The following CDC42BPA variants were observed in gnomAD, a reference collection of about 807,000 sequenced individuals.
CDC42BPA encodes CDC42 binding protein kinase alpha.
A neutral mutation model predicts 223.5 loss-of-function variants in CDC42BPA; 80 were observed. The ratio of observed to expected loss-of-function variants is 0.36; its 90% CI spans 0.30 to 0.43. The LOEUF is 0.43. Ranked by LOEUF, CDC42BPA falls within the 20% of genes least tolerant of loss-of-function variation. The probability of loss-of-function intolerance (pLI) is 1.00; values close to 1 mark genes in which losing one functional copy is unlikely to be tolerated. For missense variants in CDC42BPA, 1,743 were observed against 2,099.9 expected, an observed-to-expected ratio of 0.83 and a Z score of 3.32; for synonymous variants, 694 against 718.6, an observed-to-expected ratio of 0.97 and a Z score of 0.55.
chr1:227,252,390 C>T (rs1293909803), intron 2 of CDC42BPA, among the ~76,000 whole-genome samples: 2 of 152,078 alleles, frequency 1.3e-5, no homozygotes, highest in Non-Finnish European at 2.9e-5. Flanking sequence ...AGAAATTAAA[C>T]ATTATTTAAA....
Position 227,074,004 on chromosome 1 carries a change from G to A in CDC42BPA, c.2595C>T (p.Pro865=). 2 of 1,609,458 alleles carry A rather than the reference G, an allele frequency of 1.2e-6. No homozygotes were observed. Among genetic ancestry groups the A allele is most frequent in the Non-Finnish European group, 1.7e-6 (2 of 1,178,860 alleles). The change falls in exon 19 of 37, where the codon CCC becomes CCT. Residue 865 remains proline (P), a synonymous_variant. Coordinates refer to ENST00000366766, the MANE Select transcript of CDC42BPA (RefSeq NM_001394014.1). ...GTTTCGCAAAACGACGCATTTTCCA[G>A]GGCATATCCTATGAAATAATGACTG... ...SSLGTRATDM[P]WKMRRFAKLD... is the part of the protein sequence containing the mutation.
At chr1:227,294,106 C>G (rs1690183167) in intron 1 of CDC42BPA, among the ~76,000 whole-genome samples, 1 of 151,648 alleles carries the variant, frequency 6.6e-6, no homozygotes, top group Non-Finnish European at 1.5e-5. Flanking sequence ...CCCGTCTCTA[C>G]TAAAAATACA....
chr1:227,296,167 T>C (rs1339909970), intron 1 of CDC42BPA, among the ~76,000 whole-genome samples: 1 of 152,132 alleles, frequency 6.6e-6, no homozygotes, highest in Non-Finnish European at 1.5e-5. Flanking sequence ...GATAAACATA[T>C]AGATCAATGG....
At chr1:227,044,510 G>T (rs1298453103) in intron 23 of CDC42BPA, among the ~76,000 whole-genome samples, 1 of 152,150 alleles carries the variant, frequency 6.6e-6, no homozygotes, top group Non-Finnish European at 1.5e-5. Context: ...AAAATCAGAA[G>T]TATTCCTCCT....
Position 226,997,995 on chromosome 1 carries a change from C to T in CDC42BPA, c.4976-3015G>A, listed in dbSNP as rs537183725. On this transcript the variant is annotated intron_variant, in intron 35 of 36. Coordinates refer to ENST00000366766, the MANE Select transcript of CDC42BPA (RefSeq NM_001394014.1). ...CCAGTGTGCAAAAATCACAAGCATT[C>T]CTACACACCAATAATAGAGAGCCAA... Among the ~76,000 whole-genome samples, 520 of 152,158 alleles carry T rather than the reference C, an allele frequency of 3.4e-3. 1 individual carries two copies. The highest frequency in any genetic ancestry group is 0.012 in the African/African-American group (482 of 41,530).
At chr1:227,287,446 A>G (rs1189706382) in intron 1 of CDC42BPA, among the ~76,000 whole-genome samples, 1 of 152,188 alleles carries the variant, frequency 6.6e-6, no homozygotes, top group Non-Finnish European at 1.5e-5. Context: ...TCCAGAAGGA[A>G]TGATAATAAT....
intron 16 of CDC42BPA, among the ~76,000 whole-genome samples, chr1:227,081,689 G>T (rs1680703038): frequency 6.6e-6 from 1 of 151,934 alleles, no homozygotes; most frequent in Admixed American, 6.6e-5. Flanking sequence ...CCTGACCTCA[G>T]ATGATAAGCC....
At chr1:227,068,493 T>C (rs909778397) in intron 21 of CDC42BPA, 4 of 190,486 alleles carry the variant, frequency 2.1e-5, no homozygotes, top group African/African-American at 7.2e-5. Flanking sequence ...TACTGATAAA[T>C]CCTTCATTAT....
chr1:227,015,258 T>A (rs1343687030), intron 34 of CDC42BPA, among the ~76,000 whole-genome samples: 3 of 151,968 alleles, frequency 2.0e-5, no homozygotes, highest in African/African-American at 7.2e-5. Flanking sequence ...ACCCCATCTC[T>A]ACTAAAAATA....
intron 2 of CDC42BPA, among the ~76,000 whole-genome samples, chr1:227,233,025 G>A (rs1678314461): frequency 6.6e-6 from 1 of 152,172 alleles, no homozygotes; most frequent in East Asian, 1.9e-4. Context: ...TGCTAGCAGT[G>A]AGCGAGGCTC....
intron 2 of CDC42BPA, among the ~76,000 whole-genome samples, chr1:227,249,867 A>T (rs1389961305): frequency 6.6e-6 from 1 of 152,002 alleles, no homozygotes; most frequent in Non-Finnish European, 1.5e-5. Context: ...AAACAGAATG[A>T]CGAAGACCTA....
At chr1:227,025,468 AT>A (rs1288565200) in intron 31 of CDC42BPA, among the ~76,000 whole-genome samples, 2 of 152,202 alleles carry the variant, frequency 1.3e-5, no homozygotes, top group Admixed American at 6.5e-5. Flanking sequence ...TGCTATATAT[AT>A]ATCACATCTA....
rs1424506519 is a variant in CDC42BPA, at chr1:227,119,791, T to G, written c.1647+13A>C. 5.9e-6 allele frequency: 9 copies of G among 1,523,486 alleles called. No homozygotes were observed. Among genetic ancestry groups the G allele is most frequent in the Non-Finnish European group, 8.0e-6 (9 of 1,121,212 alleles). 94.4% of individuals were successfully genotyped at this position (1,523,486 alleles called of 1,614,324 possible). A position where few individuals can be genotyped will look rare whatever the true frequency, so the allele number is the denominator to read the frequency against. ...TAGAGAAAAAGCTTTAATGATCTAG[T>G]CACATATTTTACCTTATTTAGATCT... On this transcript the variant is annotated intron_variant, in intron 12 of 36. Coordinates refer to ENST00000366766, the MANE Select transcript of CDC42BPA (RefSeq NM_001394014.1).
chr1:227,289,675 A>G (rs2148643495), intron 1 of CDC42BPA, among the ~76,000 whole-genome samples: 1 of 152,308 alleles, frequency 6.6e-6, no homozygotes, highest in African/African-American at 2.4e-5. Context: ...TATGCAATAA[A>G]TATCTGTTAA....
intron 23 of CDC42BPA, among the ~76,000 whole-genome samples, chr1:227,043,747 A>G (rs1001441654): frequency 6.6e-5 from 10 of 152,180 alleles, no homozygotes; most frequent in African/African-American, 1.9e-4. Flanking sequence ...TTTCTGTTAT[A>G]TATCAATTAC....
At chr1:227,182,413 G>A (rs1240991521) in intron 5 of CDC42BPA, among the ~76,000 whole-genome samples, 1 of 152,068 alleles carries the variant, frequency 6.6e-6, no homozygotes, top group Non-Finnish European at 1.5e-5. Flanking sequence ...AGAATTTCTT[G>A]GGCTTGGTTT....
chr1:227,125,611 A>G (rs1328802187), intron 11 of CDC42BPA, among the ~76,000 whole-genome samples: 1 of 151,268 alleles, frequency 6.6e-6, no homozygotes, highest in African/African-American at 2.4e-5. Context: ...TTAAAAAAAA[A>G]AAAAAAAAAA....
chr1:227,263,556 C>T (rs1324104239), intron 1 of CDC42BPA, among the ~76,000 whole-genome samples: 1 of 151,534 alleles, frequency 6.6e-6, no homozygotes, highest in Non-Finnish European at 1.5e-5. Flanking sequence ...ACAAACCTTG[C>T]TGATATCTCA....
Position 227,119,909 on chromosome 1 carries a change from T to C in CDC42BPA, c.1542A>G (p.Glu514=). 1 of 1,595,680 alleles carries C rather than the reference T, an allele frequency of 6.3e-7. No homozygotes were observed. Among genetic ancestry groups the C allele is most frequent in the African/African-American group, 1.4e-5 (1 of 74,070 alleles). The change falls in exon 12 of 37, where the codon GAA becomes GAG. Residue 514 remains glutamate (E), a synonymous_variant. Coordinates refer to ENST00000366766, the MANE Select transcript of CDC42BPA (RefSeq NM_001394014.1). Reference sequence around the variant, plus strand: ...GTTCTTGCCTCACAGCATTAGCTTCTTCAAGTTGCTGTTCCAAATGACTTG... The same window carrying C: ...GTTCTTGCCTCACAGCATTAGCTTCCTCAAGTTGCTGTTCCAAATGACTTG... ...TESSHLEQQL[E]EANAVRQELD... is the part of the protein sequence containing the mutation.
Sources: gnomAD v4.1 joint callset for allele counts (sites outside exome capture counted in the v4.1 genomes callset) on GRCh38, gnomAD v4.1.1 for gene constraint, MANE v1.5 for transcripts, NCBI Gene and HGNC (gene_info 2026-07-23, HGNC 2026-07-21) for gene names.